The following AGBL4 variants were observed in gnomAD, a reference collection of about 807,000 sequenced individuals.
The protein encoded by AGBL4 is cytosolic carboxypeptidase 6.
In AGBL4, 58 loss-of-function variants were observed where a neutral mutation model predicts 66.4. The observed-to-expected ratio is 0.87, with a 90% CI of 0.71 to 1.09. AGBL4 has a LOEUF of 1.09. AGBL4 is among the 50% of genes least tolerant of loss of function. AGBL4 has a pLI of 0.00. For synonymous variants in AGBL4, 234 were observed against 222.9 expected, an observed-to-expected ratio of 1.05 and a Z score of -0.44; for missense variants, 579 against 631.0, an observed-to-expected ratio of 0.92 and a Z score of 0.88.
Position 48,736,309 on chromosome 1 carries a change from G to A in AGBL4, c.635-73068C>T, listed in dbSNP as rs767701984. 56 of 1,613,808 alleles carry A rather than the reference G, an allele frequency of 3.5e-5. No homozygotes were observed. The highest frequency in any genetic ancestry group is 1.6e-4 in the Middle Eastern group (1 of 6,082). On this transcript the variant is annotated intron_variant, in intron 6 of 13. Coordinates refer to ENST00000371839, the MANE Select transcript of AGBL4 (RefSeq NM_032785.4). The surrounding 1 kb of genome is among the most constrained non-coding windows in gnomAD (Gnocchi z 4.0). The stretch of plus-strand genomic sequence containing the variant: ...CTGCATCTTTCTTTTTTTTTGTGGC[G>A]ACGCCTGTGACGCTTCTGTTTTTCA...
chr1:49,251,668 C>A (rs1240980820), intron 3 of AGBL4, among the ~76,000 whole-genome samples: 1 of 152,190 alleles, frequency 6.6e-6, no homozygotes, highest in African/African-American at 2.4e-5. Flanking sequence ...AGCAGGCACC[C>A]CTGCATCTGC....
chr1:49,328,706 A>T (rs1645272302), intron 3 of AGBL4, among the ~76,000 whole-genome samples: 1 of 152,134 alleles, frequency 6.6e-6, no homozygotes, highest in African/African-American at 2.4e-5. Flanking sequence ...CCATGTGCTT[A>T]CCTATCTCAT....
At chr1:49,600,428 G>A (rs575620031) in intron 3 of AGBL4, among the ~76,000 whole-genome samples, 3 of 152,242 alleles carry the variant, frequency 2.0e-5, no homozygotes, top group South Asian at 2.1e-4. Context: ...GACTAGGGTT[G>A]CAACTCCTGC....
At chr1:49,551,051 C>G (rs1652910797) in intron 3 of AGBL4, among the ~76,000 whole-genome samples, 1 of 152,120 alleles carries the variant, frequency 6.6e-6, no homozygotes, top group African/African-American at 2.4e-5. Context: ...AGCTTGTCTT[C>G]AAGCACTGAA....
intron 5 of AGBL4, among the ~76,000 whole-genome samples, chr1:49,038,512 CA>C (rs1323983419): frequency 6.6e-6 from 1 of 151,960 alleles, no homozygotes; most frequent in Non-Finnish European, 1.5e-5. Flanking sequence ...AATAAGAAAA[CA>C]AACAACCCAA....
chr1:49,354,120 C>T (rs1464079620), intron 3 of AGBL4, among the ~76,000 whole-genome samples: 1 of 152,210 alleles, frequency 6.6e-6, no homozygotes, highest in African/African-American at 2.4e-5. Context: ...TTGTAACACA[C>T]CCCTAGATGC....
chr1:49,121,021 T>A (rs546170574), intron 4 of AGBL4, among the ~76,000 whole-genome samples: 6 of 152,332 alleles, frequency 3.9e-5, no homozygotes, highest in African/African-American at 1.4e-4. Context: ...TGTGCTTGTG[T>A]CATGAAGTTC....
chr1:48,900,192 A>G (rs1425419833), intron 5 of AGBL4, among the ~76,000 whole-genome samples: 1 of 152,170 alleles, frequency 6.6e-6, no homozygotes, highest in African/African-American at 2.4e-5. Context: ...GGGGACCAAG[A>G]AAGATGAGGC....
intron 1 of AGBL4, among the ~76,000 whole-genome samples, chr1:49,917,870 T>TGCAA (rs1651729383): frequency 6.6e-6 from 1 of 152,026 alleles, no homozygotes; most frequent in Non-Finnish European, 1.5e-5. Context: ...ACAACAGAAA[T>TGCAA]TATAACAAAC....
At chr1:49,538,412 A>C (rs1427039933) in intron 3 of AGBL4, among the ~76,000 whole-genome samples, 1 of 152,258 alleles carries the variant, frequency 6.6e-6, no homozygotes, top group Non-Finnish European at 1.5e-5. Flanking sequence ...AGGTGATGAG[A>C]AATTACTTAA....
At chr1:48,993,908 TC>T (rs1189495778) in intron 5 of AGBL4, among the ~76,000 whole-genome samples, 2 of 152,228 alleles carry the variant, frequency 1.3e-5, no homozygotes, top group Non-Finnish European at 2.9e-5. Flanking sequence ...TTTCCTATTC[TC>T]TTCAGTTCCT....
intron 4 of AGBL4, among the ~76,000 whole-genome samples, chr1:49,172,002 G>A (rs1013181581): frequency 4.6e-5 from 7 of 152,116 alleles, no homozygotes; most frequent in Non-Finnish European, 7.4e-5. Flanking sequence ...GTAAATAGTG[G>A]AGCTGATATT....
At chr1:49,732,547 T>G (rs1050421327) in intron 2 of AGBL4, among the ~76,000 whole-genome samples, 1 of 151,976 alleles carries the variant, frequency 6.6e-6, no homozygotes, top group African/African-American at 2.4e-5. Flanking sequence ...TAAATACTAA[T>G]GAACAATTAG....
intron 1 of AGBL4, among the ~76,000 whole-genome samples, chr1:50,021,129 C>T (rs1446643483): frequency 6.6e-6 from 1 of 152,166 alleles, no homozygotes; most frequent in Non-Finnish European, 1.5e-5. Flanking sequence ...AGTTTTTTAG[C>T]CCTTCATTTT....
intron 7 of AGBL4, among the ~76,000 whole-genome samples, chr1:48,653,722 G>A (rs1019978630): frequency 3.3e-5 from 5 of 152,162 alleles, no homozygotes; most frequent in African/African-American, 1.2e-4. Flanking sequence ...AACTGGGAGG[G>A]CTTCCGAGAA....
rs542422453 is a variant in AGBL4, at chr1:49,904,069, A to C, written c.35-52551T>G. On this transcript the variant is annotated intron_variant, in intron 1 of 13. Coordinates refer to ENST00000371839, the MANE Select transcript of AGBL4 (RefSeq NM_032785.4). Reference sequence around the variant, plus strand: ...ATCAGCCACTCTGATAGATGCTAACATCATACAGCTACTAAATTCAACTCA... The same window carrying C: ...ATCAGCCACTCTGATAGATGCTAACCTCATACAGCTACTAAATTCAACTCA... 2.0e-5 allele frequency among the ~76,000 whole-genome samples: 3 copies of C among 152,328 alleles called. No individual in the cohort carries two copies. The East Asian group carries it at 5.8e-4, about 29-fold the overall frequency.
At chr1:49,621,294 A>G (rs1410372870) in intron 3 of AGBL4, among the ~76,000 whole-genome samples, 1 of 152,230 alleles carries the variant, frequency 6.6e-6, no homozygotes, top group East Asian at 1.9e-4. Context: ...TGATGCGTCC[A>G]CACTACTGCT....
At chr1:49,639,362 C>T (rs1187594822) in intron 3 of AGBL4, among the ~76,000 whole-genome samples, 6 of 152,184 alleles carry the variant, frequency 3.9e-5, no homozygotes, top group African/African-American at 1.4e-4. Context: ...ATTATACACA[C>T]TTGATACATA....
chr1:48,770,581 G>A (rs1233893684), intron 6 of AGBL4, among the ~76,000 whole-genome samples: 1 of 152,096 alleles, frequency 6.6e-6, no homozygotes, highest in African/African-American at 2.4e-5. Flanking sequence ...CTTCCAGATT[G>A]AGATCTTTGA....
Sources: gnomAD v4.1 joint callset for allele counts (sites outside exome capture counted in the v4.1 genomes callset) on GRCh38, gnomAD v4.1.1 for gene constraint, Gnocchi (gnomAD v3.1) non-coding constraint, MANE v1.5 for transcripts, NCBI Gene and HGNC (gene_info 2026-07-23, HGNC 2026-07-21) for gene names.